CTNND2: variants seen among roughly 807,000 people sequenced by gnomAD.
CTNND2 encodes the protein catenin delta-2.
Under a neutral mutation model 144.4 loss-of-function variants are expected in CTNND2, and 22 were observed. The ratio of observed to expected loss-of-function variants is 0.15; its 90% CI spans 0.11 to 0.22. The LOEUF is 0.22. Among genes scored for constraint, CTNND2 ranks in the 10% least tolerant of loss-of-function variants. The probability of loss-of-function intolerance (pLI) is 1.00; values close to 1 mark genes in which losing one functional copy is unlikely to be tolerated. For missense variants in CTNND2, 1,353 were observed against 1,618.8 expected, an observed-to-expected ratio of 0.84 and a Z score of 2.82; for synonymous variants, 751 against 695.6, an observed-to-expected ratio of 1.08 and a Z score of -1.25.
At chr5:11,761,660 T>C (rs972700708) in intron 1 of CTNND2, among the ~76,000 whole-genome samples, 2 of 152,182 alleles carry the variant, frequency 1.3e-5, no homozygotes, top group African/African-American at 4.8e-5. Context: ...TGCTACCTAC[T>C]GATTTAGAAC....
chr5:11,570,864 C>G (rs565008816), intron 2 of CTNND2, among the ~76,000 whole-genome samples: 26 of 151,950 alleles, frequency 1.7e-4, no homozygotes, highest in African/African-American at 6.0e-4. Flanking sequence ...CTTGCTTTTT[C>G]TTCAACTCTC....
At chr5:11,161,109 A>G (rs1454285365) in intron 11 of CTNND2, among the ~76,000 whole-genome samples, 2 of 152,194 alleles carry the variant, frequency 1.3e-5, no homozygotes, top group Non-Finnish European at 2.9e-5. Flanking sequence ...ACCTGAAGGC[A>G]AATCTAGCTT....
At chr5:10,989,291 G>A (rs56247544) in intron 19 of CTNND2, among the ~76,000 whole-genome samples, 2 of 152,034 alleles carry the variant, frequency 1.3e-5, no homozygotes, top group Non-Finnish European at 2.9e-5. Context: ...CTCAGGTGCC[G>A]TGTCCTTCTG....
chr5:11,891,455 G>C (rs781605256), intron 1 of CTNND2, among the ~76,000 whole-genome samples: 1 of 152,114 alleles, frequency 6.6e-6, no homozygotes, highest in Admixed American at 6.5e-5. Context: ...GAATGTTTGC[G>C]TCTTCTCCTC....
At position 11,798,046 on chromosome 5, in the gene CTNND2, T is replaced by G. The variant is rs549522995; in HGVS notation, c.38-65774A>C. On this transcript the variant is annotated intron_variant, in intron 1 of 21. Transcript: ENST00000304623. ...GCCAAGGTGGGCAGATCACCTGAGG[T>G]GAGGAGTTCGAGACCAGCCTGGCCA... is the stretch of plus-strand genomic sequence containing the variant. 3.8e-4 allele frequency among the ~76,000 whole-genome samples: 57 copies of G among 151,230 alleles called. 1 individual carries two copies. Among genetic ancestry groups the G allele is most frequent in the African/African-American group, 1.3e-3 (55 of 41,208 alleles).
intron 8 of CTNND2, among the ~76,000 whole-genome samples, 160 bp from the exon 9 acceptor site, chr5:11,346,787 A>G (rs1754838161): frequency 6.6e-6 from 1 of 152,218 alleles, no homozygotes. Flanking sequence ...AATACATTCA[A>G]TGTTATCCAG....
At chr5:11,417,378 A>C (rs2149845833) in intron 3 of CTNND2, among the ~76,000 whole-genome samples, 1 of 152,358 alleles carries the variant, frequency 6.6e-6, no homozygotes, top group Non-Finnish European at 1.5e-5. Flanking sequence ...TTGTAAAATA[A>C]GCCACAACCT....
intron 3 of CTNND2, among the ~76,000 whole-genome samples, chr5:11,437,574 G>T (rs1004116475): frequency 6.6e-6 from 1 of 152,162 alleles, no homozygotes; most frequent in African/African-American, 2.4e-5. Flanking sequence ...TAAGGGATAG[G>T]GATGTGGTTT....
rs577084387 is a variant in CTNND2, at chr5:11,027,578, C to T, written c.2789-4599G>A. On this transcript the variant is annotated intron_variant, in intron 16 of 21. Coordinates refer to ENST00000304623, the MANE Select transcript of CTNND2 (RefSeq NM_001332.4). ...TCATCAATGATGGACTAACTGAAAC[C>T]TTGTAACTTTGCTACCCTTTCCACT... is the stretch of plus-strand genomic sequence containing the variant. 8.5e-5 allele frequency among the ~76,000 whole-genome samples: 13 copies of T among 152,210 alleles called. No homozygotes were observed. The Middle Eastern group carries it at 0.01, about 119-fold the overall frequency.
At chr5:11,090,153 T>C (rs561541470) in intron 15 of CTNND2, among the ~76,000 whole-genome samples, 24 of 152,170 alleles carry the variant, frequency 1.6e-4, no homozygotes, top group Non-Finnish European at 2.8e-4. Context: ...TACTTGTTTG[T>C]CTCCAGGACT....
At chr5:11,643,235 T>A (rs1039892732) in intron 2 of CTNND2, among the ~76,000 whole-genome samples, 15 of 152,118 alleles carry the variant, frequency 9.9e-5, no homozygotes, top group South Asian at 2.1e-4. Flanking sequence ...TTTGTTTTTT[T>A]AATTTTATTA....
At chr5:11,871,000 C>G (rs956747948) in intron 1 of CTNND2, among the ~76,000 whole-genome samples, 3 of 152,072 alleles carry the variant, frequency 2.0e-5, no homozygotes, top group Admixed American at 6.5e-5. Context: ...GGGTCTTTGG[C>G]AGGTAATTAG....
intron 3 of CTNND2, among the ~76,000 whole-genome samples, chr5:11,531,445 G>A (rs759262935): frequency 6.6e-6 from 1 of 152,094 alleles, no homozygotes; most frequent in Non-Finnish European, 1.5e-5. Context: ...GGCCAACATG[G>A]TAAAACCCCA....
At chr5:11,467,332 T>A (rs1472896421) in intron 3 of CTNND2, among the ~76,000 whole-genome samples, 2 of 152,172 alleles carry the variant, frequency 1.3e-5, no homozygotes, top group Non-Finnish European at 2.9e-5. Context: ...CTCGTCCTGG[T>A]TGTATCTGGA....
chr5:11,129,050 AAAT>A (rs777857663), intron 12 of CTNND2, among the ~76,000 whole-genome samples: 1,384 of 30,384 alleles, frequency 0.046, 116 homozygotes, highest in East Asian at 0.17. Flanking sequence ...TATTATATAT[AAAT>A]AAAATATATA....
chr5:11,419,176 G>C (rs934117638), intron 3 of CTNND2, among the ~76,000 whole-genome samples: 1 of 151,752 alleles, frequency 6.6e-6, no homozygotes, highest in African/African-American at 2.4e-5. Flanking sequence ...GTCCAAGGAA[G>C]GATAACTTCC....
At chr5:11,440,518 T>C (rs31829) in intron 3 of CTNND2, among the ~76,000 whole-genome samples, 22,739 of 152,182 alleles carry the variant, frequency 0.15, 2,678 homozygotes, top group African/African-American at 0.33. Flanking sequence ...TTCTTAGGTA[T>C]GATTATTGGG....
At chr5:11,108,363 T>C (rs1230093405) in intron 14 of CTNND2, among the ~76,000 whole-genome samples, 2 of 152,196 alleles carry the variant, frequency 1.3e-5, no homozygotes, top group Non-Finnish European at 2.9e-5. Context: ...CAGAGGCCCA[T>C]TCCTACTGCT....
chr5:11,083,849 AT>A, intron 15 of CTNND2: 1 of 1,021,240 alleles, frequency 9.8e-7, no homozygotes, highest in Non-Finnish European at 1.2e-6. Context: ...CCCTTCCCCC[AT>A]GGGGGCAGGC....
Sources: allele counts gnomAD v4.1 joint callset (sites outside exome capture counted in the v4.1 genomes callset), GRCh38; gene constraint gnomAD v4.1.1; transcripts MANE v1.5; gene names NCBI Gene and HGNC (gene_info 2026-07-23, HGNC 2026-07-21).